TMEM101: variants seen among roughly 807,000 people sequenced by gnomAD.
TMEM101 encodes the protein transmembrane protein 101.
A neutral mutation model predicts 26.0 loss-of-function variants in TMEM101; 14 were observed. The ratio of observed to expected loss-of-function variants is 0.54; its 90% confidence interval spans 0.36 to 0.84. The LOEUF is 0.84. Among genes scored for constraint, TMEM101 ranks in the 40% least tolerant of loss-of-function variants. The pLI is 0.01. For synonymous variants in TMEM101, 152 were observed against 145.1 expected, an observed-to-expected ratio of 1.05 and a Z score of -0.34; for missense variants, 292 against 345.1, an observed-to-expected ratio of 0.85 and a Z score of 1.22.
At chr17:44,013,204 T>G in intron 2 of TMEM101, 49 bp from the exon 3 acceptor site, 1 of 1,477,166 alleles carries the variant, frequency 6.8e-7, no homozygotes, top group Non-Finnish European at 9.1e-7. Flanking sequence ...CCGCCACATC[T>G]CTCCTGGCTT....
Position 44,011,311 on chromosome 17 carries a change from T to TA in TMEM101, c.*616_*617insT, listed in dbSNP as rs2049154519. 6.6e-6 allele frequency: 1 copy of TA among 152,416 alleles called. No individual in the cohort carries two copies. Among genetic ancestry groups the TA allele is most frequent in the South Asian group, 2.1e-4 (1 of 4,834 alleles). The allele number at this position is 152,416 out of a possible 1,614,324, so 9.4% of individuals were successfully genotyped here. On this transcript the variant is annotated 3_prime_UTR_variant, in exon 4 of 4. Transcript: ENST00000206380. ...CAGCAGGAAGGGCAAAGCTGGCCAC[T>TA]GCCTGCTCCACCCCTTCACAGCCCA...
intron 3 of TMEM101, chr17:44,012,502 T>C (rs1288910667): frequency 1.9e-6 from 1 of 517,422 alleles, no homozygotes; most frequent in Non-Finnish European, 3.4e-6. Flanking sequence ...CCTCTGAATA[T>C]GGGAGCCCAC....
At chr17:44,018,623 G>A (rs1300233210), upstream of TMEM101, among the ~76,000 whole-genome samples, 1 of 152,120 alleles carries the variant, frequency 6.6e-6, no homozygotes, top group East Asian at 1.9e-4. Flanking sequence ...TGTTGACGAG[G>A]ACCAGAACCA....
upstream of TMEM101, chr17:44,015,063 C>G: frequency 7.0e-7 from 1 of 1,427,870 alleles, no homozygotes; most frequent in Non-Finnish European, 9.4e-7. Context: ...CCGGAAACAA[C>G]GGTGTCATTC....
At chr17:44,014,304 C>T in intron 2 of TMEM101, 53 bp downstream of exon 2, 2 of 1,524,222 alleles carry the variant, frequency 1.3e-6, no homozygotes, top group Non-Finnish European at 1.8e-6. Flanking sequence ...GGGCATTGGC[C>T]TCTGATTCCC....
In TMEM101 at chr17:44,011,723, G is replaced by GC. The variant is rs2049159375; in HGVS notation, c.*204dup. 3.3e-6 allele frequency: 2 copies of GC among 600,510 alleles called. No individual in the cohort carries two copies. The highest frequency in any genetic ancestry group is 3.7e-5 in the African/African-American group (2 of 53,878). 37.2% of individuals were successfully genotyped at this position (600,510 alleles called of 1,614,324 possible). A position where few individuals can be genotyped will look rare whatever the true frequency, so the allele number is the denominator to read the frequency against. On this transcript the variant is annotated 3_prime_UTR_variant, in exon 4 of 4. Coordinates refer to ENST00000206380, the MANE Select transcript of TMEM101 (RefSeq NM_032376.4). ...GGAAAAAAACCTGTACAGCATTAGT[G>GC]CCAGGGCTCCTGCCCTCCCAAGCGC...
At chr17:44,019,188 T>G (rs2049261778), upstream of TMEM101, 1 of 252,326 alleles carries the variant, frequency 4.0e-6, no homozygotes, top group African/African-American at 2.3e-5. Flanking sequence ...AGTAAGCAAG[T>G]TGCAATGGGA....
upstream of TMEM101, chr17:44,019,568 G>T: frequency 6.3e-6 from 1 of 159,476 alleles, no homozygotes; most frequent in South Asian, 1.6e-4. Context: ...TATAGGAATA[G>T]ATTGAAATAG....
chr17:44,018,693 G>C (rs1262613209), upstream of TMEM101, among the ~76,000 whole-genome samples: 1 of 152,134 alleles, frequency 6.6e-6, no homozygotes, highest in Non-Finnish European at 1.5e-5. Context: ...TGTCCCTATA[G>C]GCACAATGCC....
upstream of TMEM101, chr17:44,019,201 G>C (rs1480476757): frequency 3.9e-6 from 1 of 256,102 alleles, no homozygotes; most frequent in East Asian, 1.3e-4. Context: ...CAATGGGAAG[G>C]GGAGAAAGGA....
upstream of TMEM101, among the ~76,000 whole-genome samples, chr17:44,016,898 G>C (rs1040196825): frequency 2.6e-5 from 4 of 152,162 alleles, no homozygotes; most frequent in Non-Finnish European, 5.9e-5. Flanking sequence ...ACTTTAGGAG[G>C]CCGAGTCGGG....
chr17:44,011,797 A>G lies in TMEM101; in HGVS notation c.*131T>C. On this transcript the variant is annotated 3_prime_UTR_variant, in exon 4 of 4. Transcript: ENST00000206380. ...GAGCTGCCTCTTAACTGCAAAAAAC[A>G]ATTTTAAAAAAGCAAAAGATCAAAC... is the stretch of plus-strand genomic sequence containing the variant. The G allele has an allele frequency of 2.7e-6, 3 of 1,096,428 alleles. No individual in the cohort carries two copies. The highest frequency in any genetic ancestry group is 3.8e-6 in the Non-Finnish European group (3 of 784,218). 67.9% of individuals were successfully genotyped at this position (1,096,428 alleles called of 1,614,324 possible).
upstream of TMEM101, among the ~76,000 whole-genome samples, chr17:44,016,352 G>A (rs895079730): frequency 6.6e-6 from 1 of 152,014 alleles, no homozygotes; most frequent in African/African-American, 2.4e-5. Context: ...TTTATTTTTA[G>A]TGGAGACAGG....
In TMEM101 at chr17:44,011,925, A is replaced by C; in HGVS notation, c.*3T>G. 1 of 1,600,808 alleles carries C rather than the reference A, an allele frequency of 6.2e-7. No individual in the cohort carries two copies. The highest frequency in any genetic ancestry group is 8.5e-7 in the Non-Finnish European group (1 of 1,170,852). ...TGCCCATCTCAGCCTCTTGCCATAA[A>C]ACTCAGCCATCAGTGGCCAGGATGA... On this transcript the variant is annotated 3_prime_UTR_variant, in exon 4 of 4. Coordinates refer to ENST00000206380, the MANE Select transcript of TMEM101 (RefSeq NM_032376.4).
At chr17:44,015,129 A>T, upstream of TMEM101, 1 of 761,184 alleles carries the variant, frequency 1.3e-6, no homozygotes, top group Non-Finnish European at 2.0e-6. Flanking sequence ...TCGTCTGCTC[A>T]TGGAGCCTTC....
chr17:44,013,066 G>A lies in TMEM101; in HGVS notation c.408C>T (p.Arg136=). ...GGCCGGTGGACTGCAGGGAGCGGCT[G>A]CGAGGTTTCCGGCGGTACAGCTCCC... ...GAGELYRRKP[R]SRSLQSTGQV... is the part of the protein sequence containing the mutation. Residue 136 remains arginine (R), a synonymous_variant, in exon 3 of 4, where the codon CGC becomes CGT. Transcript: ENST00000206380. 2 of 1,610,196 alleles carry A rather than the reference G, an allele frequency of 1.2e-6. No homozygotes were observed. Among genetic ancestry groups the A allele is most frequent in the Non-Finnish European group, 1.7e-6 (2 of 1,177,068 alleles).
chr17:44,012,362 G>A (rs1246914057), intron 3 of TMEM101, 126 bp from the exon 4 acceptor site: 1 of 893,714 alleles, frequency 1.1e-6, no homozygotes, highest in East Asian at 2.7e-5. Context: ...TCTTGGACTG[G>A]GGAACCTCTG....
rs1423705390 is a variant in TMEM101 at position 44,014,524 on chromosome 17, G to C, written c.151C>G (p.Pro51Ala). The change falls in exon 2 of 4, where the codon CCA (proline) becomes GCA (alanine). Residue 51 changes from proline (P) to alanine (A), a missense_variant. Coordinates refer to ENST00000206380, the MANE Select transcript of TMEM101 (RefSeq NM_032376.4). ...ATGTCGAAATACAGGTAAGGCACTG[G>C]GATGTCGGGCTTCCTGCGAGCCGGG... ...RAEARRKPDI[P>A]VPYLYFDMGA... The C allele has an allele frequency of 3.8e-6, 6 of 1,569,900 alleles. 1 individual carries two copies. The South Asian group carries it at 6.9e-5, about 18-fold the overall frequency.
chr17:44,012,883 G>A, intron 3 of TMEM101, 126 bp downstream of exon 3: 1 of 1,096,092 alleles, frequency 9.1e-7, no homozygotes, highest in African/African-American at 1.6e-5. Flanking sequence ...CAATTCCCAG[G>A]GAACTGGGCC....
Sources: gnomAD v4.1 joint callset for allele counts (sites outside exome capture counted in the v4.1 genomes callset) on GRCh38, gnomAD v4.1.1 for gene constraint, MANE v1.5 for transcripts, NCBI Gene and HGNC (gene_info 2026-07-23, HGNC 2026-07-21) for gene names.